The following COL22A1 variants were observed in gnomAD, a reference collection of about 807,000 sequenced individuals.
COL22A1 encodes collagen alpha-1(XXII) chain.
Under a neutral mutation model 248.9 loss-of-function variants are expected in COL22A1, and 221 were observed. The observed-to-expected ratio is 0.89, with a 90% confidence interval of 0.80 to 0.99. The LOEUF is 0.99. Among genes scored for constraint, COL22A1 ranks in the 50% least tolerant of loss-of-function variants. The pLI is 0.00. For synonymous variants in COL22A1, 891 were observed against 793.4 expected, an observed-to-expected ratio of 1.12 and a Z score of -2.07; for missense variants, 2,240 against 2,179.0, an observed-to-expected ratio of 1.03 and a Z score of -0.56.
chr8:138,690,661 T>C (rs1007089859), intron 36 of COL22A1, among the ~76,000 whole-genome samples, 160 bp downstream of exon 36: 2 of 152,120 alleles, frequency 1.3e-5, no homozygotes, highest in African/African-American at 4.8e-5. Flanking sequence ...TGTGTGAACT[T>C]TCTGGGTGGT....
chr8:138,793,943 G>A (rs527820744), intron 12 of COL22A1, among the ~76,000 whole-genome samples: 1 of 152,350 alleles, frequency 6.6e-6, no homozygotes, highest in South Asian at 2.1e-4. Context: ...GAGCTGCACG[G>A]TATTGCCTGG....
chr8:138,589,198 GCT>G lies in COL22A1; in HGVS notation c.*53_*54del. The G allele has an allele frequency of 6.4e-7, 1 of 1,554,390 alleles. No individual in the cohort carries two copies. Among genetic ancestry groups the G allele is most frequent in the Non-Finnish European group, 8.8e-7 (1 of 1,133,104 alleles). The stretch of plus-strand genomic sequence containing the variant: ...TTCAAGACCTCTGGCTTCCCACTGG[GCT>G]CTGAGTTCAAGTTTCAGAAATCCAC... On this transcript the variant is annotated 3_prime_UTR_variant, in exon 65 of 65. Coordinates refer to ENST00000303045, the MANE Select transcript of COL22A1 (RefSeq NM_152888.3).
chr8:138,696,157 C>A (rs969808791), intron 32 of COL22A1, among the ~76,000 whole-genome samples: 8 of 152,148 alleles, frequency 5.3e-5, no homozygotes, highest in Non-Finnish European at 8.8e-5. Flanking sequence ...TTGCAGAGTT[C>A]TCCAGGACGG....
intron 48 of COL22A1, among the ~76,000 whole-genome samples, chr8:138,635,410 T>C (rs541327797): frequency 6.6e-6 from 1 of 152,338 alleles, no homozygotes; most frequent in South Asian, 2.1e-4. Flanking sequence ...TATTACAGTC[T>C]TTATTCTTTA....
At chr8:138,892,447 C>A (rs1238410188) in intron 1 of COL22A1, among the ~76,000 whole-genome samples, 1 of 152,194 alleles carries the variant, frequency 6.6e-6, no homozygotes, top group African/African-American at 2.4e-5. Flanking sequence ...TAGGTGTTCA[C>A]CAAACGTGAG....
chr8:138,701,960 G>C (rs118110732), intron 31 of COL22A1, among the ~76,000 whole-genome samples: 1 of 152,162 alleles, frequency 6.6e-6, no homozygotes, highest in East Asian at 1.9e-4. Flanking sequence ...CAGATATTTT[G>C]TGATTCACTT....
intron 1 of COL22A1, among the ~76,000 whole-genome samples, chr8:138,908,423 T>C (rs564884642): frequency 6.6e-6 from 1 of 152,354 alleles, no homozygotes; most frequent in African/African-American, 2.4e-5. Context: ...TAAAACATTC[T>C]AACAAGGAAT....
At chr8:138,798,226 T>C (rs1488172550) in intron 11 of COL22A1, among the ~76,000 whole-genome samples, 2 of 151,702 alleles carry the variant, frequency 1.3e-5, no homozygotes, top group Non-Finnish European at 2.9e-5. Flanking sequence ...TAAACTTTCT[T>C]AAAATTTCTG....
intron 27 of COL22A1, among the ~76,000 whole-genome samples, chr8:138,719,421 G>A (rs1418291824): frequency 6.6e-6 from 1 of 152,226 alleles, no homozygotes; most frequent in Non-Finnish European, 1.5e-5. Context: ...TGGGGGCCAT[G>A]AGGGCTGAGT....
At chr8:138,895,539 A>T (rs914392805) in intron 1 of COL22A1, among the ~76,000 whole-genome samples, 5 of 152,198 alleles carry the variant, frequency 3.3e-5, no homozygotes, top group South Asian at 2.1e-4. Context: ...AGCAGGCCTA[A>T]AACTAGACTG....
chr8:138,650,984 G>A (rs189498979), intron 45 of COL22A1, among the ~76,000 whole-genome samples: 20 of 152,214 alleles, frequency 1.3e-4, no homozygotes, highest in African/African-American at 1.9e-4. Context: ...AAAAATACGC[G>A]GAAGCTGCAC....
intron 44 of COL22A1, among the ~76,000 whole-genome samples, chr8:138,659,776 G>A (rs937392247): frequency 2.0e-5 from 3 of 152,324 alleles, no homozygotes; most frequent in East Asian, 1.9e-4. Flanking sequence ...GCTGGACTGA[G>A]GCCACATTGC....
At chr8:138,708,411 A>C (rs539034679) in intron 30 of COL22A1, among the ~76,000 whole-genome samples, 2 of 152,324 alleles carry the variant, frequency 1.3e-5, no homozygotes, top group African/African-American at 4.8e-5. Flanking sequence ...AGTAACCAAA[A>C]CAGCATGGTA....
intron 3 of COL22A1, among the ~76,000 whole-genome samples, chr8:138,859,245 C>T (rs890939564): frequency 7.9e-5 from 12 of 152,196 alleles, no homozygotes; most frequent in African/African-American, 2.9e-4. Context: ...AAATCAGTGC[C>T]GGTGACAAAG....
chr8:138,810,453 C>T (rs1390235568), intron 9 of COL22A1, among the ~76,000 whole-genome samples: 1 of 152,198 alleles, frequency 6.6e-6, no homozygotes, highest in Non-Finnish European at 1.5e-5. Flanking sequence ...CCTTAGCCTG[C>T]CGGGGGTGGG....
intron 45 of COL22A1, among the ~76,000 whole-genome samples, chr8:138,651,870 T>C (rs1822766413): frequency 6.6e-6 from 1 of 152,192 alleles, no homozygotes; most frequent in Non-Finnish European, 1.5e-5. Context: ...ATAAAAAGAT[T>C]ATACCTGAGT....
intron 18 of COL22A1, among the ~76,000 whole-genome samples, chr8:138,757,057 G>A (rs537118076): frequency 1.3e-5 from 2 of 152,150 alleles, no homozygotes; most frequent in East Asian, 3.9e-4. Flanking sequence ...GCACACACAC[G>A]AGCACATATT....
chr8:138,858,055 T>C (rs1822174102), intron 3 of COL22A1, among the ~76,000 whole-genome samples: 1 of 152,346 alleles, frequency 6.6e-6, no homozygotes, highest in South Asian at 2.1e-4. Context: ...CCCTGGGTGG[T>C]GACGTCATCA....
chr8:138,775,880 G>A (rs979423663), intron 16 of COL22A1, 86 bp downstream of exon 16: 10 of 1,243,982 alleles, frequency 8.0e-6, no homozygotes, highest in South Asian at 4.8e-5. Context: ...ACACACACAC[G>A]AGCATACACA....
Sources: gnomAD v4.1 joint callset for allele counts (sites outside exome capture counted in the v4.1 genomes callset) on GRCh38, gnomAD v4.1.1 for gene constraint, MANE v1.5 for transcripts, NCBI Gene and HGNC (gene_info 2026-07-23, HGNC 2026-07-21) for gene names.